Variants in LIPA observed in about 807,000 individuals in gnomAD.
LIPA encodes the protein lipase A, lysosomal acid type.
A neutral mutation model predicts 40.6 loss-of-function variants in LIPA; 26 were observed. The observed-to-expected ratio is 0.64, with a 90% CI of 0.47 to 0.89. The LOEUF is 0.89. LIPA is among the 40% of genes least tolerant of loss of function. The probability of loss-of-function intolerance (pLI) is 0.00; values close to 1 mark genes in which losing one functional copy is unlikely to be tolerated. For synonymous variants in LIPA, 188 were observed against 168.4 expected (o/e 1.12, Z -0.90); for missense variants, 455 against 479.6 (o/e 0.95, Z 0.48).
chr10:89,370,934 C>T (rs1844088127), intron 2 of LIPA, among the ~76,000 whole-genome samples: 1 of 152,174 alleles, frequency 6.6e-6, no homozygotes, highest in African/African-American at 2.4e-5. Context: ...AGAAGAATTG[C>T]TTGAACCCAG....
chr10:89,387,379 G>A (rs937744300), intron 2 of LIPA, among the ~76,000 whole-genome samples: 1 of 150,932 alleles, frequency 6.6e-6, no homozygotes, highest in Non-Finnish European at 1.5e-5. Context: ...GGGAACATAA[G>A]AGGGAATCAA....
chr10:89,298,442 C>CT (rs1397771432), intron 1 of LIPA, among the ~76,000 whole-genome samples: 11 of 152,330 alleles, frequency 7.2e-5, no homozygotes, highest in African/African-American at 2.6e-4. Context: ...TGTACAGAGG[C>CT]TACACTACCA....
intron 1 of LIPA, among the ~76,000 whole-genome samples, chr10:89,263,660 T>C (rs1589582307): frequency 6.6e-6 from 1 of 152,274 alleles, no homozygotes; most frequent in Admixed American, 6.5e-5. Flanking sequence ...GTGTCACTTT[T>C]CCAGCCAGAA....
At chr10:89,252,802 TC>T (rs113063011), upstream of LIPA, among the ~76,000 whole-genome samples, 103 of 130,442 alleles carry the variant, frequency 7.9e-4, 5 homozygotes, top group East Asian at 0.014. Context: ...TGAGACTCCA[TC>T]CCCCAAAAAA....
In LIPA at chr10:89,223,713, A is replaced by C. The variant is rs754487860; in HGVS notation, c.793T>G (p.Cys265Gly). ...ELCGNLCFLL[C>G]GFNERNLNMS... ...TTTAAATTTCTCTCATTAAATCCAC[A>C]CAGAAGAAAACAGAGATTTCCACAG... Residue 265 changes from cysteine (C) to glycine (G), a missense_variant, in exon 7 of 10, where the codon TGT (cysteine) becomes GGT (glycine). Physicochemically the swap from Cys to Gly is radical, Grantham distance 159. Coordinates refer to ENST00000336233, the MANE Select transcript of LIPA (RefSeq NM_000235.4). The C allele has an allele frequency of 5.0e-6, 8 of 1,613,130 alleles. No homozygotes were observed. In the South Asian group the frequency reaches 6.6e-5, roughly 13 times the overall value.
At chr10:89,383,175 A>G in intron 2 of LIPA, 1 of 697,990 alleles carries the variant, frequency 1.4e-6, no homozygotes. Context: ...TCCTAATGAC[A>G]TGACTGTAGA....
intron 1 of LIPA, among the ~76,000 whole-genome samples, chr10:89,262,361 C>T (rs1247359648): frequency 6.6e-6 from 1 of 152,210 alleles, no homozygotes; most frequent in Non-Finnish European, 1.5e-5. Flanking sequence ...AGTCTGCTCA[C>T]AAGCTGTTCT....
chr10:89,364,077 C>T (rs749351307), intron 2 of LIPA, among the ~76,000 whole-genome samples: 19 of 152,174 alleles, frequency 1.2e-4, no homozygotes, highest in Non-Finnish European at 1.6e-4. Context: ...CTTCCCTGAT[C>T]GCTGCTTTCA....
intron 1 of LIPA, among the ~76,000 whole-genome samples, chr10:89,287,306 T>G (rs57124619): frequency 0.023 from 3,496 of 152,140 alleles, 155 homozygotes; most frequent in African/African-American, 0.078. Context: ...CTTTTCAAGG[T>G]CCTGTTTCCC....
intron 1 of LIPA, among the ~76,000 whole-genome samples, chr10:89,273,596 G>A (rs1462691197): frequency 6.6e-6 from 1 of 152,170 alleles, no homozygotes; most frequent in Non-Finnish European, 1.5e-5. Flanking sequence ...GTGAATTGGG[G>A]AGCTGTGAGG....
At chr10:89,228,939 G>C (rs570675630) in intron 3 of LIPA, among the ~76,000 whole-genome samples, 9 of 152,322 alleles carry the variant, frequency 5.9e-5, no homozygotes, top group Admixed American at 2.0e-4. Context: ...CACTGGAAAA[G>C]TTTGGCAGTT....
In LIPA at chr10:89,228,324, T is replaced by C; in HGVS notation, c.304A>G (p.Ser102Gly). The C allele has an allele frequency of 6.2e-7, 1 of 1,614,248 alleles. No homozygotes were observed. The highest frequency in any genetic ancestry group is 1.7e-5 in the Admixed American group (1 of 60,030). ...SSNWVTNLAN[S>G]SLGFILADAG... ...TCAGCAAGAATGAAGCCCAGGCTGC[T>C]GTTGGCAAGGTTTGTGACCCAGTTA... Residue 102 changes from serine to glycine, a missense_variant, in exon 4 of 10, where the codon AGC (serine) becomes GGC (glycine). By Grantham distance (56) the Ser-to-Gly change is moderately conservative (BLOSUM62 0). Transcript: ENST00000336233.
chr10:89,338,878 C>A, intron 1 of LIPA: 1 of 1,614,144 alleles, frequency 6.2e-7, no homozygotes, highest in Non-Finnish European at 8.5e-7. Context: ...GGAATGCTTA[C>A]GGCAAGCTGA....
chr10:89,297,078 C>A (rs1564778781), intron 1 of LIPA, among the ~76,000 whole-genome samples: 1 of 152,110 alleles, frequency 6.6e-6, no homozygotes, highest in Admixed American at 6.5e-5. Flanking sequence ...CACTAGAATT[C>A]AACAGAGAAG....
At chr10:89,238,303 C>T (rs890395450) in intron 3 of LIPA, among the ~76,000 whole-genome samples, 6 of 152,094 alleles carry the variant, frequency 3.9e-5, no homozygotes, top group East Asian at 1.9e-4. Context: ...CAGCACCAGA[C>T]GATGGGAAAG....
intron 1 of LIPA, among the ~76,000 whole-genome samples, chr10:89,319,054 A>G (rs1201092144): frequency 1.3e-5 from 2 of 152,362 alleles, no homozygotes; most frequent in Middle Eastern, 3.4e-3. Flanking sequence ...TCTGGGACAT[A>G]TTTAAAGCAG....
intron 3 of LIPA, among the ~76,000 whole-genome samples, chr10:89,241,171 G>A (rs907567946): frequency 4.6e-5 from 7 of 152,158 alleles, no homozygotes; most frequent in Admixed American, 2.6e-4. Flanking sequence ...AGGAGGGAAG[G>A]GGACAGGGCA....
intron 1 of LIPA, among the ~76,000 whole-genome samples, chr10:89,336,365 C>T (rs922537318): frequency 1.7e-4 from 26 of 152,128 alleles, no homozygotes; most frequent in Admixed American, 1.2e-3. Flanking sequence ...AGAGGCTAGC[C>T]GGATGTAGAT....
intron 2 of LIPA, among the ~76,000 whole-genome samples, chr10:89,356,445 A>G (rs1330570538): frequency 6.6e-6 from 1 of 152,204 alleles, no homozygotes; most frequent in Non-Finnish European, 1.5e-5. Flanking sequence ...CCTCTGTATT[A>G]ACAGCCATTC....
Sources: gnomAD v4.1 joint callset for allele counts (sites outside exome capture counted in the v4.1 genomes callset) on GRCh38, gnomAD v4.1.1 for gene constraint, MANE v1.5 for transcripts, NCBI Gene and HGNC (gene_info 2026-07-23, HGNC 2026-07-21) for gene names.